WIF1: variants seen among roughly 807,000 people sequenced by gnomAD.
WIF1 encodes the protein Wnt inhibitory factor 1.
In WIF1, 35 loss-of-function variants were observed where a neutral mutation model predicts 53.5. The observed-to-expected ratio is 0.65, with a 90% confidence interval of 0.50 to 0.87. WIF1 has a LOEUF of 0.87. Among genes scored for constraint, WIF1 ranks in the 40% least tolerant of loss-of-function variants. The pLI is 0.00. For synonymous variants in WIF1, 171 were observed against 170.4 expected, an observed-to-expected ratio of 1.00 and a Z score of -0.03; for missense variants, 467 against 476.8, an observed-to-expected ratio of 0.98 and a Z score of 0.19.
At chr12:65,056,266 G>C in intron 7 of WIF1, 140 bp from the exon 8 acceptor site, 1 of 667,440 alleles carries the variant, frequency 1.5e-6, no homozygotes, top group Non-Finnish European at 2.4e-6. Flanking sequence ...ATCTACTCTG[G>C]CTTTTTTTTT....
intron 9 of WIF1, among the ~76,000 whole-genome samples, chr12:65,053,825 C>T (rs1292038832): frequency 6.6e-6 from 1 of 151,044 alleles, no homozygotes; most frequent in Non-Finnish European, 1.5e-5. Context: ...AGAAAGACTA[C>T]CATAAGTATA....
intron 4 of WIF1, 29 bp from the exon 5 acceptor site, chr12:65,067,819 G>A (rs899732004): frequency 1.8e-5 from 28 of 1,596,452 alleles, no homozygotes; most frequent in Non-Finnish European, 2.2e-5. Flanking sequence ...AAGCTTATAT[G>A]GACACCCTTG....
chr12:65,055,320 A>C, intron 8 of WIF1, 107 bp from the exon 9 acceptor site: 1 of 1,274,894 alleles, frequency 7.8e-7, no homozygotes, highest in Non-Finnish European at 1.1e-6. Flanking sequence ...TTTTGGCTTC[A>C]TCCTCTAATT....
At chr12:65,111,356 C>T (rs796524577) in intron 2 of WIF1, among the ~76,000 whole-genome samples, 1 of 152,086 alleles carries the variant, frequency 6.6e-6, no homozygotes, top group African/African-American at 2.4e-5. Flanking sequence ...CCTGCCACTG[C>T]CTATAGACTA....
intron 2 of WIF1, among the ~76,000 whole-genome samples, chr12:65,104,020 A>T (rs1428395269): frequency 6.6e-6 from 1 of 152,152 alleles, no homozygotes; most frequent in Non-Finnish European, 1.5e-5. Flanking sequence ...AGTCACGTTC[A>T]TGCCACTGTA....
Position 65,121,142 on chromosome 12 carries a change from A to G in WIF1, c.50T>C (p.Ile17Thr), listed in dbSNP as rs2136298163. 6.4e-7 allele frequency: 1 copy of G among 1,550,574 alleles called. No individual in the cohort carries two copies. Among genetic ancestry groups the G allele is most frequent in the Non-Finnish European group, 8.7e-7 (1 of 1,146,734 alleles). ...CCGCAGTGCCAGCAGGCACAGGAGG[A>G]TGCTCCAGAGCCAGAGCGCGGCGGC... Reference protein sequence around the residue: ...FPAAALWLWSILLCLLALRAE... With the variant: ...FPAAALWLWSTLLCLLALRAE... Residue 17 changes from isoleucine to threonine, a missense_variant, in exon 1 of 10, where the codon ATC (isoleucine) becomes ACC (threonine). Transcript: ENST00000286574.
chr12:65,081,477 A>G (rs563397109), intron 2 of WIF1, among the ~76,000 whole-genome samples: 21 of 152,318 alleles, frequency 1.4e-4, no homozygotes, highest in African/African-American at 4.8e-4. Context: ...CAGAGAGTTG[A>G]TAATGAGCAG....
At chr12:65,081,576 CA>C (rs1187798177) in intron 2 of WIF1, among the ~76,000 whole-genome samples, 1 of 152,170 alleles carries the variant, frequency 6.6e-6, no homozygotes, top group African/African-American at 2.4e-5. Context: ...ACACTTTACA[CA>C]AAAGTGTCCC....
intron 2 of WIF1, among the ~76,000 whole-genome samples, chr12:65,106,659 T>G (rs1054030791): frequency 1.6e-4 from 24 of 152,328 alleles, no homozygotes; most frequent in African/African-American, 5.1e-4. Flanking sequence ...AAATATTTTT[T>G]AAACCCCAAC....
At chr12:65,090,183 C>T (rs915629630) in intron 2 of WIF1, among the ~76,000 whole-genome samples, 38 of 152,114 alleles carry the variant, frequency 2.5e-4, no homozygotes, top group Non-Finnish European at 3.7e-4. Flanking sequence ...CTAAGCTGGT[C>T]CAGAGCTGGC....
chr12:65,059,251 G>A (rs528090213), intron 7 of WIF1, among the ~76,000 whole-genome samples: 1 of 152,280 alleles, frequency 6.6e-6, no homozygotes, highest in African/African-American at 2.4e-5. Flanking sequence ...TCAGTTTAAT[G>A]AAGTGACAGT....
intron 2 of WIF1, among the ~76,000 whole-genome samples, chr12:65,086,517 A>G (rs1004365550): frequency 1.3e-5 from 2 of 152,134 alleles, no homozygotes; most frequent in African/African-American, 4.8e-5. Flanking sequence ...AGGTGTGGAA[A>G]AAGGAACAGC....
At chr12:65,120,156 T>A (rs1482408467) in intron 2 of WIF1, among the ~76,000 whole-genome samples, 1 of 152,242 alleles carries the variant, frequency 6.6e-6, no homozygotes, top group Non-Finnish European at 1.5e-5. Flanking sequence ...ATTGGAGGTC[T>A]TTATATTTCC....
intron 3 of WIF1, among the ~76,000 whole-genome samples, chr12:65,075,609 A>G (rs1232799373): frequency 6.6e-6 from 1 of 152,218 alleles, no homozygotes; most frequent in Non-Finnish European, 1.5e-5. Flanking sequence ...TGACTCAAAA[A>G]TAATTCAGGT....
chr12:65,082,120 A>G (rs1173021508), intron 2 of WIF1, among the ~76,000 whole-genome samples: 1 of 152,052 alleles, frequency 6.6e-6, no homozygotes, highest in Admixed American at 6.6e-5. Context: ...TTTACGCCAT[A>G]CTCTAACTTC....
chr12:65,065,482 C>T (rs994393137), intron 6 of WIF1, among the ~76,000 whole-genome samples: 1 of 152,080 alleles, frequency 6.6e-6, no homozygotes, highest in African/African-American at 2.4e-5. Flanking sequence ...AATCACATAA[C>T]TGTAGGAAAG....
intron 6 of WIF1, among the ~76,000 whole-genome samples, chr12:65,065,066 A>G (rs545180753): frequency 6.6e-6 from 1 of 152,344 alleles, no homozygotes; most frequent in Admixed American, 6.5e-5. Flanking sequence ...GTTAATTCTT[A>G]TTAGAGTAAT....
chr12:65,067,821 A>G, intron 4 of WIF1, 31 bp from the exon 5 acceptor site: 1 of 1,595,532 alleles, frequency 6.3e-7, no homozygotes, highest in Non-Finnish European at 8.6e-7. Flanking sequence ...GCTTATATGG[A>G]CACCCTTGAA....
intron 2 of WIF1, among the ~76,000 whole-genome samples, chr12:65,110,021 T>A (rs1883406028): frequency 6.6e-6 from 1 of 152,252 alleles, no homozygotes. Flanking sequence ...TGGAGACAGA[T>A]CTTGCATTTG....
Sources: allele counts gnomAD v4.1 joint callset (sites outside exome capture counted in the v4.1 genomes callset), GRCh38; gene constraint gnomAD v4.1.1; transcripts MANE v1.5; gene names NCBI Gene and HGNC (gene_info 2026-07-23, HGNC 2026-07-21).